The following L3MBTL1 variants were observed in gnomAD, a reference collection of about 807,000 sequenced individuals.
L3MBTL1 encodes the protein L3MBTL histone methyl-lysine binding protein 1.
In L3MBTL1, 75 loss-of-function variants were observed where a neutral mutation model predicts 105.3. The observed-to-expected ratio is 0.71, with a 90% CI of 0.59 to 0.86. L3MBTL1 has a LOEUF of 0.86. L3MBTL1 is among the 40% of genes least tolerant of loss of function. The pLI is 0.00. For missense variants in L3MBTL1, 1,069 were observed against 1,126.4 expected (o/e 0.95, Z 0.73); for synonymous variants, 452 against 436.2 (o/e 1.04, Z -0.45).
intron 7 of L3MBTL1, among the ~76,000 whole-genome samples, chr20:43,520,953 G>C (rs535350591): frequency 3.3e-5 from 5 of 152,302 alleles, no homozygotes; most frequent in Admixed American, 3.3e-4. Flanking sequence ...TTTTCAAAAA[G>C]GGTCCATTTA....
rs74377107 is a variant in L3MBTL1, at chr20:43,524,528, C to T, written c.863-4129C>T. On this transcript the variant is annotated intron_variant, in intron 7 of 21. Coordinates refer to ENST00000418998, the MANE Select transcript of L3MBTL1 (RefSeq NM_001377303.1). ...GTGTTATGTTTGAGGTATGTAAATA[C>T]AAGGGGCTGTCACAGAACAAACTCT... Among the ~76,000 whole-genome samples, 722 of 152,184 alleles carry T rather than the reference C, an allele frequency of 4.7e-3. 10 individuals carry two copies. Among genetic ancestry groups the T allele is most frequent in the African/African-American group, 0.017 (689 of 41,508 alleles).
intron 9 of L3MBTL1, 119 bp downstream of exon 9, chr20:43,529,487 G>C: frequency 1.4e-6 from 1 of 712,722 alleles, no homozygotes; most frequent in Non-Finnish European, 2.5e-6. Flanking sequence ...ATCTAGTAGT[G>C]GATGAAGCTG....
chr20:43,528,557 T>G, intron 7 of L3MBTL1, 100 bp from the exon 8 acceptor site: 3 of 825,008 alleles, frequency 3.6e-6, no homozygotes, highest in East Asian at 2.6e-5. Context: ...CAGACAAAGA[T>G]TTGTTTTGGG....
chr20:43,540,225 G>C lies in L3MBTL1; in HGVS notation c.2248G>C (p.Val750Leu), dbSNP rs1600964012. Residue 750 changes from valine (V) to leucine (L), a missense_variant, in exon 20 of 22, where the codon GTG becomes CTG. Transcript: ENST00000418998. Reference protein sequence around the residue: ...LSAHPDRSLSVCWEQHCKLLP... With the variant: ...LSAHPDRSLSLCWEQHCKLLP... ...GGCCCACCCTGACCGCTCACTCTCA[G>C]TGTGCTGGGAGCAGCACTGCAAGCT... 2 of 1,613,774 alleles carry C rather than the reference G, an allele frequency of 1.2e-6. No homozygotes were observed. The highest frequency in any genetic ancestry group is 1.7e-6 in the Non-Finnish European group (2 of 1,180,034).
At chr20:43,514,341 T>G in intron 3 of L3MBTL1, 57 of 1,082,704 alleles carry the variant, frequency 5.3e-5, no homozygotes, top group Middle Eastern at 3.1e-4. Context: ...AGTGGGCCTG[T>G]GTTAGTTTGG....
chr20:43,515,481 C>T, intron 6 of L3MBTL1, 66 bp downstream of exon 6: 2 of 1,514,304 alleles, frequency 1.3e-6, no homozygotes, highest in Non-Finnish European at 1.8e-6. Context: ...CCACTGTCCC[C>T]TCCATCAATC....
chr20:43,524,364 A>G (rs923974163), intron 7 of L3MBTL1, among the ~76,000 whole-genome samples: 2 of 152,236 alleles, frequency 1.3e-5, no homozygotes, highest in Non-Finnish European at 2.9e-5. Context: ...AACAAATACT[A>G]AGTGCCTCCT....
chr20:43,542,484 A>G (rs1210996714), downstream of L3MBTL1, among the ~76,000 whole-genome samples: 1 of 152,138 alleles, frequency 6.6e-6, no homozygotes, highest in Non-Finnish European at 1.5e-5. Context: ...AAATGCCTAT[A>G]GAGAGATAGG....
chr20:43,548,180 G>A (rs1307679207), exon 19 of L3MBTL1: 2 of 1,304,370 alleles, frequency 1.5e-6, no homozygotes, highest in Non-Finnish European at 2.0e-6. Flanking sequence ...CGTCAAGCTG[G>A]GCCCAGCCTT....
chr20:43,545,714 C>T (rs1263265020), downstream of L3MBTL1, among the ~76,000 whole-genome samples: 1 of 152,230 alleles, frequency 6.6e-6, no homozygotes, highest in Non-Finnish European at 1.5e-5. Flanking sequence ...AAGCTTAATG[C>T]AGGTAATCTC....
At chr20:43,526,393 C>T (rs1234784043) in intron 7 of L3MBTL1, among the ~76,000 whole-genome samples, 1 of 152,178 alleles carries the variant, frequency 6.6e-6, no homozygotes, top group Non-Finnish European at 1.5e-5. Context: ...AGTCTACTCT[C>T]TCTTCTCTTT....
intron 11 of L3MBTL1, 179 bp from the exon 12 acceptor site, chr20:43,532,594 C>T: frequency 1.6e-6 from 1 of 624,544 alleles, no homozygotes; most frequent in Non-Finnish European, 2.7e-6. Context: ...CTGAGTGCCT[C>T]AGGGCTCAGG....
Position 43,535,825 on chromosome 20 carries a change from C to G in L3MBTL1, c.1826-12C>G. ...GGACTCCATGAGGACCGCCTCCTTT[C>G]TGCTCTTTTAGGACCCAGAGAGCCC... On this transcript the variant is annotated splice_polypyrimidine_tract_variant and intron_variant, in intron 16 of 21. Transcript: ENST00000418998. 1 of 1,555,028 alleles carries G rather than the reference C, an allele frequency of 6.4e-7. No individual in the cohort carries two copies. Among genetic ancestry groups the G allele is most frequent in the Non-Finnish European group, 8.7e-7 (1 of 1,149,262 alleles).
intron 7 of L3MBTL1, chr20:43,523,481 CAT>C (rs1268538265): frequency 4.0e-6 from 1 of 250,130 alleles, no homozygotes; most frequent in East Asian, 1.0e-4. Context: ...CCTGCTTTTG[CAT>C]AGTCAGTGAT....
At chr20:43,540,886 C>T (rs2145494966) in intron 21 of L3MBTL1, 48 bp from the exon 22 acceptor site, 1 of 1,612,178 alleles carries the variant, frequency 6.2e-7, no homozygotes, top group African/African-American at 1.3e-5. Context: ...AGCAGGTGCC[C>T]TCCCCAGCGT....
At chr20:43,548,169 G>A (rs761553491) in exon 19 of L3MBTL1, 1 of 1,304,368 alleles carries the variant, frequency 7.7e-7, no homozygotes, top group Non-Finnish European at 1.0e-6. Flanking sequence ...AAGATCATGA[G>A]CGTCAAGCTG....
intron 7 of L3MBTL1, among the ~76,000 whole-genome samples, chr20:43,517,814 G>A (rs1463136334): frequency 6.6e-6 from 1 of 152,146 alleles, no homozygotes; most frequent in Admixed American, 6.5e-5. Flanking sequence ...CCAGCTGGAG[G>A]AGCCCAATCT....
downstream of L3MBTL1, among the ~76,000 whole-genome samples, chr20:43,545,513 C>T (rs956512684): frequency 3.3e-5 from 5 of 152,154 alleles, no homozygotes; most frequent in African/African-American, 1.2e-4. Flanking sequence ...GACCACTTGG[C>T]ATCCCCCTCA....
chr20:43,537,115 T>C (rs917526172), intron 19 of L3MBTL1, among the ~76,000 whole-genome samples: 6 of 152,258 alleles, frequency 3.9e-5, no homozygotes, highest in Admixed American at 2.6e-4. Flanking sequence ...AACTCGGATC[T>C]GGCCTGACTC....
Sources: allele counts gnomAD v4.1 joint callset (sites outside exome capture counted in the v4.1 genomes callset), GRCh38; gene constraint gnomAD v4.1.1; transcripts MANE v1.5; gene names NCBI Gene and HGNC (gene_info 2026-07-23, HGNC 2026-07-21).